Variants in GALNTL6 observed in about 807,000 individuals in gnomAD.
GALNTL6 encodes the protein polypeptide N-acetylgalactosaminyltransferase-like 6.
Under a neutral mutation model 73.7 loss-of-function variants are expected in GALNTL6, and 46 were observed. The ratio of observed to expected loss-of-function variants is 0.62; its 90% CI spans 0.49 to 0.80. GALNTL6 has a LOEUF of 0.80. Ranked by LOEUF, GALNTL6 falls within the 30% of genes least tolerant of loss-of-function variation. The pLI is 0.00. For synonymous variants in GALNTL6, 259 were observed against 263.7 expected (o/e 0.98, Z 0.17); for missense variants, 604 against 755.0 (o/e 0.80, Z 2.34).
intron 5 of GALNTL6, among the ~76,000 whole-genome samples, chr4:172,409,316 A>G (rs1486549997): frequency 6.6e-6 from 1 of 152,052 alleles, no homozygotes. Context: ...AAAGTTTGGT[A>G]ATAGATTTTT....
intron 2 of GALNTL6, among the ~76,000 whole-genome samples, chr4:172,077,220 C>G (rs914576162): frequency 1.3e-5 from 2 of 152,048 alleles, no homozygotes; most frequent in Non-Finnish European, 1.5e-5. Context: ...TATAAAGATA[C>G]CTGAAAATGT....
chr4:172,539,686 G>A (rs1211478117), intron 5 of GALNTL6, among the ~76,000 whole-genome samples: 1 of 151,786 alleles, frequency 6.6e-6, no homozygotes, highest in Non-Finnish European at 1.5e-5. Context: ...AATCTCTAGA[G>A]TTCTTTCTAA....
At chr4:173,021,443 A>T in intron 11 of GALNTL6, 33 bp from the exon 12 acceptor site, 1 of 1,612,212 alleles carries the variant, frequency 6.2e-7, no homozygotes, top group Non-Finnish European at 8.5e-7. Flanking sequence ...AAACAAACTC[A>T]CTGCAGCTTT....
At chr4:172,489,791 C>G (rs1411868104) in intron 5 of GALNTL6, among the ~76,000 whole-genome samples, 3 of 152,182 alleles carry the variant, frequency 2.0e-5, no homozygotes, top group Non-Finnish European at 4.4e-5. Flanking sequence ...TTACGGCTAA[C>G]ACACACTGAT....
chr4:172,946,021 G>T (rs1019127279), intron 9 of GALNTL6, among the ~76,000 whole-genome samples: 35 of 152,006 alleles, frequency 2.3e-4, no homozygotes, highest in African/African-American at 8.2e-4. Flanking sequence ...TAAAATCATG[G>T]GATATGGATA....
At chr4:171,947,697 C>T (rs766252823) in intron 2 of GALNTL6, among the ~76,000 whole-genome samples, 5 of 152,058 alleles carry the variant, frequency 3.3e-5, no homozygotes, top group African/African-American at 9.7e-5. Context: ...TCCTCTGGTC[C>T]ACATGACCCA....
chr4:172,779,380 C>G (rs1391556157), intron 5 of GALNTL6, among the ~76,000 whole-genome samples: 1 of 152,120 alleles, frequency 6.6e-6, no homozygotes, highest in Non-Finnish European at 1.5e-5. Context: ...CTGGCAGACA[C>G]AGCACTGCCC....
Position 172,544,330 on chromosome 4 carries a change from C to T in GALNTL6, c.553+195641C>T, listed in dbSNP as rs188231517. Among the ~76,000 whole-genome samples, 34 of 152,258 alleles carry T rather than the reference C, an allele frequency of 2.2e-4. No individual in the cohort carries two copies. The South Asian group carries it at 3.5e-3, about 16-fold the overall frequency. ...GATTTTACTTACACAAGATTGGCTTCGTGGTTCCACATCTCTGCTATGAGT... is the reference window on the plus strand; with the variant it reads ...GATTTTACTTACACAAGATTGGCTTTGTGGTTCCACATCTCTGCTATGAGT... On this transcript the variant is annotated intron_variant, in intron 5 of 12. Coordinates refer to ENST00000506823, the MANE Select transcript of GALNTL6 (RefSeq NM_001034845.3).
chr4:172,205,017 GT>G lies in GALNTL6; in HGVS notation c.139-24637del, dbSNP rs574876926. ...AGTCTAAATAAAATGTTAATTTTCA[GT>G]TCTCTAAAAGTTATGATTTATTCTT... is the stretch of plus-strand genomic sequence containing the variant. On this transcript the variant is annotated intron_variant, in intron 2 of 12. Transcript: ENST00000506823. Among the ~76,000 whole-genome samples the G allele has an allele frequency of 8.9e-3, 1,361 of 152,196 alleles. 23 individuals are homozygous for G. Among genetic ancestry groups the G allele is most frequent in the African/African-American group, 0.031 (1,299 of 41,530 alleles).
chr4:172,992,148 A>G (rs1449414217), intron 10 of GALNTL6, among the ~76,000 whole-genome samples: 1 of 152,228 alleles, frequency 6.6e-6, no homozygotes, highest in Non-Finnish European at 1.5e-5. Flanking sequence ...TTAGTTATGT[A>G]CCAGGTGCAG....
At chr4:172,097,159 G>T (rs995801418) in intron 2 of GALNTL6, among the ~76,000 whole-genome samples, 1 of 152,186 alleles carries the variant, frequency 6.6e-6, no homozygotes, top group African/African-American at 2.4e-5. Flanking sequence ...GTTTTTGGTC[G>T]TATTACCCAC....
At chr4:172,719,121 T>G (rs1735296118) in intron 5 of GALNTL6, among the ~76,000 whole-genome samples, 1 of 152,228 alleles carries the variant, frequency 6.6e-6, no homozygotes, top group African/African-American at 2.4e-5. Context: ...TGTATACATT[T>G]AAGTTATAGT....
chr4:172,590,470 C>T (rs1737591150), intron 5 of GALNTL6, among the ~76,000 whole-genome samples: 1 of 152,156 alleles, frequency 6.6e-6, no homozygotes, highest in Non-Finnish European at 1.5e-5. Flanking sequence ...ACTGCAGTTA[C>T]CACTTCATAG....
At chr4:172,925,073 T>C (rs1391965530) in intron 8 of GALNTL6, among the ~76,000 whole-genome samples, 3 of 151,814 alleles carry the variant, frequency 2.0e-5, no homozygotes, top group South Asian at 2.1e-4. Flanking sequence ...GGGGTTTCAC[T>C]GTGTTAGCCA....
intron 5 of GALNTL6, among the ~76,000 whole-genome samples, chr4:172,364,900 C>T (rs1742500539): frequency 6.6e-6 from 1 of 152,114 alleles, no homozygotes; most frequent in Non-Finnish European, 1.5e-5. Flanking sequence ...AATTTTTATT[C>T]AAGTTAAAAC....
chr4:172,853,984 A>G (rs1201316176), intron 7 of GALNTL6, among the ~76,000 whole-genome samples: 2 of 152,146 alleles, frequency 1.3e-5, no homozygotes, highest in African/African-American at 4.8e-5. Context: ...ATACAAGGCA[A>G]TTGCCAAACT....
At chr4:172,562,746 A>G (rs183946273) in intron 5 of GALNTL6, among the ~76,000 whole-genome samples, 8 of 152,292 alleles carry the variant, frequency 5.3e-5, no homozygotes, top group Admixed American at 5.2e-4. Context: ...TGTGATCTTC[A>G]TTTCTCTTCA....
intron 2 of GALNTL6, among the ~76,000 whole-genome samples, chr4:171,826,621 T>A (rs1260938962): frequency 6.6e-6 from 1 of 152,130 alleles, no homozygotes; most frequent in African/African-American, 2.4e-5. Context: ...GCCAATATCA[T>A]CAGCAATCTC....
intron 2 of GALNTL6, among the ~76,000 whole-genome samples, chr4:172,148,926 A>C (rs1236987963): frequency 6.6e-6 from 1 of 152,114 alleles, no homozygotes; most frequent in African/African-American, 2.4e-5. Context: ...TTTCTATATA[A>C]ATTTTTTGCT....
Sources: gnomAD v4.1 joint callset for allele counts (sites outside exome capture counted in the v4.1 genomes callset) on GRCh38, gnomAD v4.1.1 for gene constraint, MANE v1.5 for transcripts, NCBI Gene and HGNC (gene_info 2026-07-23, HGNC 2026-07-21) for gene names.